Variants in GPR146 observed in about 807,000 individuals in gnomAD.
The protein encoded by GPR146 is G protein-coupled receptor 146, also known as G-protein coupled receptor 146.
For synonymous variants in GPR146, 203 were observed against 104.3 expected (o/e 1.95, Z -5.77); for missense variants, 381 against 213.9 (o/e 1.78, Z -4.87).
chr7:1,052,950 T>C lies in GPR146; in HGVS notation c.-24-4542T>C, dbSNP rs1270314193. The stretch of plus-strand genomic sequence containing the variant: ...AAGAGCCCACTTCTGAAGAGGCTCA[T>C]CTGGGCTTTCTCTCCCAGCCTCTAA... On this transcript the variant is annotated intron_variant, in intron 1 of 1. Coordinates refer to ENST00000444847, the MANE Select transcript of GPR146 (RefSeq NM_001303473.2). The surrounding 1 kb of genome is among the most constrained non-coding windows in gnomAD (Gnocchi z 4.2). Among the ~76,000 whole-genome samples, 2 of 152,182 alleles carry C rather than the reference T, an allele frequency of 1.3e-5. No homozygotes were observed. Among genetic ancestry groups the C allele is most frequent in the Non-Finnish European group, 2.9e-5 (2 of 68,030 alleles).
At chr7:1,051,698 G>A (rs181759418) in intron 1 of GPR146, among the ~76,000 whole-genome samples, 26 of 152,356 alleles carry the variant, frequency 1.7e-4, no homozygotes, top group African/African-American at 5.3e-4. Flanking sequence ...AACAGGTCAG[G>A]CACAGTGGCT....
At chr7:1,049,859 G>A (rs13247552) in intron 1 of GPR146, among the ~76,000 whole-genome samples, 2 of 152,190 alleles carry the variant, frequency 1.3e-5, no homozygotes, top group South Asian at 4.1e-4. Context: ...GGTCCCGTGC[G>A]AGGAGCCCTG....
chr7:1,053,643 C>T (rs1298975351), intron 1 of GPR146, among the ~76,000 whole-genome samples: 3 of 152,196 alleles, frequency 2.0e-5, no homozygotes, highest in Non-Finnish European at 4.4e-5. Context: ...GCCTGGCCAA[C>T]ATGGAGAAAC....
chr7:1,053,549 T>C (rs1447064059), intron 1 of GPR146, among the ~76,000 whole-genome samples: 2 of 152,194 alleles, frequency 1.3e-5, no homozygotes, highest in African/African-American at 4.8e-5. Flanking sequence ...TACACCTCGC[T>C]GGGCATGGTG....
intron 1 of GPR146, among the ~76,000 whole-genome samples, chr7:1,047,292 T>C (rs1020299819): frequency 1.2e-4 from 18 of 152,220 alleles, no homozygotes; most frequent in African/African-American, 3.4e-4. Flanking sequence ...CTATTATCCA[T>C]GGAAAAAGAG....
chr7:1,055,385 T>C (rs910371420), intron 1 of GPR146: 1 of 470,422 alleles, frequency 2.1e-6, no homozygotes, highest in African/African-American at 2.0e-5. Context: ...AGCGCGCAGG[T>C]CCTCACCAGA....
At position 1,055,602 on chromosome 7, in the gene GPR146, G is replaced by A. The variant is rs574841404; in HGVS notation, c.-24-1890G>A. 1.5e-3 allele frequency: 543 copies of A among 365,432 alleles called. 1 individual carries two copies. The highest frequency in any genetic ancestry group is 2.6e-3 in the South Asian group (127 of 49,616). 22.6% of individuals were successfully genotyped at this position (365,432 alleles called of 1,614,324 possible). A position where few individuals can be genotyped will look rare whatever the true frequency, so the allele number is the denominator to read the frequency against. On this transcript the variant is annotated intron_variant, in intron 1 of 1. Transcript: ENST00000444847. ...ACAGGTGGGAGAGAGGACGCAGGGG[G>A]TTCTGTACAGTGCCACCGGTGGACA...
rs149395017 is a variant in GPR146, at chr7:1,052,063, T to C, written c.-24-5429T>C. ...TTCTCTTATAGGGAAAATAAAACGA[T>C]TGAAACTGGGCCATCTTGGACAGCT... On this transcript the variant is annotated intron_variant, in intron 1 of 1. Coordinates refer to ENST00000444847, the MANE Select transcript of GPR146 (RefSeq NM_001303473.2). This position sits in a 1 kb window ranked among gnomAD's most constrained non-coding sequence, Gnocchi z 4.2. 2.9e-3 allele frequency among the ~76,000 whole-genome samples: 439 copies of C among 152,330 alleles called. 1 individual carries two copies. The highest frequency in any genetic ancestry group is 9.8e-3 in the African/African-American group (409 of 41,574).
At chr7:1,047,123 G>A (rs1366118517) in intron 1 of GPR146, among the ~76,000 whole-genome samples, 2 of 152,158 alleles carry the variant, frequency 1.3e-5, no homozygotes, top group Non-Finnish European at 2.9e-5. Context: ...CACCCAGTTA[G>A]GGAACAAAAA....
intron 1 of GPR146, chr7:1,055,449 C>T (rs1289203360): frequency 2.2e-6 from 1 of 464,096 alleles, no homozygotes; most frequent in East Asian, 7.0e-5. Context: ...TGGCCAGGGC[C>T]CACAGCACCA....
At chr7:1,048,440 A>T (rs533984555) in intron 1 of GPR146, among the ~76,000 whole-genome samples, 6 of 152,046 alleles carry the variant, frequency 3.9e-5, no homozygotes, top group Non-Finnish European at 5.9e-5. Flanking sequence ...TCTCTCTCTC[A>T]CACACACATA....
At position 1,058,631 on chromosome 7, in the gene GPR146, G is replaced by A. The variant is rs1784142066; in HGVS notation, c.*114G>A. On this transcript the variant is annotated 3_prime_UTR_variant, in exon 2 of 2. Transcript: ENST00000444847. ...ACGAGCTGCTGGAAGAGAAGCAGGA[G>A]GGGTGTTTTTCTTGAAGTTTCCTTT... The A allele has an allele frequency of 8.1e-6, 5 of 617,888 alleles. No homozygotes were observed. The highest frequency in any genetic ancestry group is 1.8e-5 in the African/African-American group (1 of 54,108). The allele number at this position is 617,888 out of a possible 1,614,324, so 38.3% of individuals were successfully genotyped here.
chr7:1,057,419 T>A, intron 1 of GPR146, 73 bp from the exon 2 acceptor site: 1 of 631,030 alleles, frequency 1.6e-6, no homozygotes, highest in East Asian at 2.7e-5. Context: ...AAGGCACCCC[T>A]GTACCTGCAG....
intron 1 of GPR146, among the ~76,000 whole-genome samples, chr7:1,053,189 G>A (rs1783312810): frequency 6.6e-6 from 1 of 150,898 alleles, no homozygotes; most frequent in Admixed American, 6.6e-5. Context: ...CCACGGACAG[G>A]CAAGGAGTCG....
At chr7:1,053,769 G>T (rs111621609) in intron 1 of GPR146, among the ~76,000 whole-genome samples, 1 of 152,226 alleles carries the variant, frequency 6.6e-6, no homozygotes, top group South Asian at 2.1e-4. Flanking sequence ...GGAGGTTGCA[G>T]TGAGCTGAGA....
At chr7:1,045,912 T>C (rs915366680) in intron 1 of GPR146, 1 of 152,242 alleles carries the variant, frequency 6.6e-6, no homozygotes, top group African/African-American at 2.4e-5. Flanking sequence ...CATGGACATA[T>C]CCTGAGGATG....
In GPR146 at chr7:1,058,892, A is replaced by C. The variant is rs1316886864; in HGVS notation, c.*375A>C. ...GATTCCCCCTTGTTTGTTTTACAAAAACAGATGTTTCCTAGAAAAATGACA... is the reference window on the plus strand; with the variant it reads ...GATTCCCCCTTGTTTGTTTTACAAACACAGATGTTTCCTAGAAAAATGACA... On this transcript the variant is annotated 3_prime_UTR_variant, in exon 2 of 2. Coordinates refer to ENST00000444847, the MANE Select transcript of GPR146 (RefSeq NM_001303473.2). 6 of 210,878 alleles carry C rather than the reference A, an allele frequency of 2.8e-5. No individual in the cohort carries two copies. The highest frequency in any genetic ancestry group is 6.3e-5 in the Non-Finnish European group (6 of 95,084). The allele number at this position is 210,878 out of a possible 1,614,324, so 13.1% of individuals were successfully genotyped here. A position where few individuals can be genotyped will look rare whatever the true frequency, so the allele number is the denominator to read the frequency against.
chr7:1,057,834 A>G lies in GPR146; in HGVS notation c.319A>G (p.Ile107Val). The G allele has an allele frequency of 1.3e-6, 1 of 777,428 alleles. No homozygotes were observed. Among genetic ancestry groups the G allele is most frequent in the South Asian group, 1.3e-5 (1 of 74,618 alleles). 48.2% of individuals were successfully genotyped at this position (777,428 alleles called of 1,614,324 possible). Residue 107 changes from isoleucine to valine, a missense_variant, in exon 2 of 2, where the codon ATC (isoleucine) becomes GTC (valine). Physicochemically the swap from Ile to Val is conservative, Grantham distance 29 (BLOSUM62 3). Coordinates refer to ENST00000444847, the MANE Select transcript of GPR146 (RefSeq NM_001303473.2). Reference protein sequence around the residue: ...VGGEVHVALQIPFNVSSLVAM... With the variant: ...VGGEVHVALQVPFNVSSLVAM... ...CGGCGAAGTCCACGTGGCACTGCAG[A>G]TCCCCTTCAATGTGTCCTCACTGGT... is the stretch of plus-strand genomic sequence containing the variant.
chr7:1,044,894 G>A (rs756704594), intron 1 of GPR146, among the ~76,000 whole-genome samples: 14 of 152,398 alleles, frequency 9.2e-5, no homozygotes, highest in Non-Finnish European at 1.8e-4. Flanking sequence ...CATTAACCTG[G>A]TGATGGCAGC....
Sources: allele counts gnomAD v4.1 joint callset (sites outside exome capture counted in the v4.1 genomes callset), GRCh38; gene constraint gnomAD v4.1.1; non-coding constraint Gnocchi (gnomAD v3.1); transcripts MANE v1.5; gene names NCBI Gene and HGNC (gene_info 2026-07-23, HGNC 2026-07-21).